R3HDM2: variants seen among roughly 807,000 people sequenced by gnomAD.
R3HDM2 encodes R3H domain-containing protein 2.
In R3HDM2, 38 loss-of-function variants were observed where a neutral mutation model predicts 124.5. The observed-to-expected ratio is 0.31, with a 90% confidence interval of 0.24 to 0.40. The LOEUF (loss-of-function observed/expected upper bound fraction) is 0.40. R3HDM2 is among the 10% of genes least tolerant of loss of function. The probability of loss-of-function intolerance (pLI) is 1.00; values close to 1 mark genes in which losing one functional copy is unlikely to be tolerated. For missense variants in R3HDM2, 869 were observed against 1,236.9 expected (o/e 0.70, Z 4.46); for synonymous variants, 391 against 448.0 (o/e 0.87, Z 1.61).
In R3HDM2 at chr12:57,296,313, T is replaced by C. The variant is rs937663273; in HGVS notation, c.701+98A>G. The stretch of plus-strand genomic sequence containing the variant: ...GATTACAGGTGTGAGCCACCACGCC[T>C]GGCCATCTGCAAGAGACATCCTGAT... On this transcript the variant is annotated intron_variant, in intron 9 of 23. Transcript: ENST00000402412. The surrounding 1 kb of genome is among the most constrained non-coding windows in gnomAD (Gnocchi z 4.5). 21 of 1,392,132 alleles carry C rather than the reference T, an allele frequency of 1.5e-5. No individual in the cohort carries two copies. The highest frequency in any genetic ancestry group is 1.9e-5 in the Non-Finnish European group (19 of 1,015,832). 86.2% of individuals were successfully genotyped at this position (1,392,132 alleles called of 1,614,324 possible).
At chr12:57,324,898 C>G (rs1367732575) in intron 2 of R3HDM2, among the ~76,000 whole-genome samples, 1 of 152,126 alleles carries the variant, frequency 6.6e-6, no homozygotes, top group Non-Finnish European at 1.5e-5. Flanking sequence ...TTAAATGAAG[C>G]TGTTAGGGTG....
intron 2 of R3HDM2, among the ~76,000 whole-genome samples, chr12:57,386,341 C>G (rs1033602326): frequency 2.2e-4 from 33 of 152,336 alleles, no homozygotes; most frequent in African/African-American, 7.7e-4. Flanking sequence ...CCGAGGCTGC[C>G]CATGGCGCTT....
At chr12:57,362,026 G>A (rs1211610605) in intron 2 of R3HDM2, among the ~76,000 whole-genome samples, 6 of 152,112 alleles carry the variant, frequency 3.9e-5, no homozygotes, top group South Asian at 4.1e-4. Context: ...CCAGCTACTC[G>A]GAGGCTGAGG....
intron 2 of R3HDM2, among the ~76,000 whole-genome samples, chr12:57,358,071 C>T (rs12313306): frequency 0.19 from 28,082 of 151,118 alleles, 3,098 homozygotes; most frequent in Admixed American, 0.28. Flanking sequence ...CCCTGCCTCC[C>T]AGATTCAAGC....
At chr12:57,418,313 C>G in intron 1 of R3HDM2, 2 of 985,372 alleles carry the variant, frequency 2.0e-6, no homozygotes, top group Non-Finnish European at 2.4e-6. Flanking sequence ...ATTACTTCTG[C>G]GCAGAACATT....
chr12:57,278,077 C>T (rs550334753), intron 14 of R3HDM2, among the ~76,000 whole-genome samples: 3 of 152,140 alleles, frequency 2.0e-5, no homozygotes, highest in Admixed American at 1.3e-4. Context: ...GCTTCCAGGG[C>T]ATCAAAACCT....
At chr12:57,291,402 C>T (rs975093773) in intron 11 of R3HDM2, among the ~76,000 whole-genome samples, 1 of 151,752 alleles carries the variant, frequency 6.6e-6, no homozygotes, top group African/African-American at 2.4e-5. Context: ...GCCTATGATC[C>T]CAGCACTTTA....
At chr12:57,345,500 T>TACACAC (rs55903347) in intron 2 of R3HDM2, among the ~76,000 whole-genome samples, 20 of 147,526 alleles carry the variant, frequency 1.4e-4, no homozygotes, top group African/African-American at 4.0e-4. Flanking sequence ...ATTTCTTTTA[T>TACACAC]ACACACACAC....
intron 2 of R3HDM2, among the ~76,000 whole-genome samples, chr12:57,356,214 C>A (rs182725799): frequency 4.1e-3 from 621 of 152,216 alleles, no homozygotes; most frequent in Middle Eastern, 6.8e-3. Context: ...CATAAATGCC[C>A]TCTATCCAAT....
chr12:57,280,056 A>C (rs774966933), intron 14 of R3HDM2, among the ~76,000 whole-genome samples: 19 of 152,212 alleles, frequency 1.2e-4, no homozygotes, highest in Non-Finnish European at 2.4e-4. Context: ...ACACATGGAC[A>C]TAGAGGGAGA....
At position 57,322,207 on chromosome 12, in the gene R3HDM2, C is replaced by T. The variant is rs182516003; in HGVS notation, c.-35-11744G>A. ...CTCCAGCCTGGGCAACAGAGTGAGACTCCATCTCAAAACAAACAAACAAAC... is the reference window on the plus strand; with the variant it reads ...CTCCAGCCTGGGCAACAGAGTGAGATTCCATCTCAAAACAAACAAACAAAC... On this transcript the variant is annotated intron_variant, in intron 2 of 23. Transcript: ENST00000402412. Among the ~76,000 whole-genome samples, 523 of 152,320 alleles carry T rather than the reference C, an allele frequency of 3.4e-3. 1 individual carries two copies. The highest frequency in any genetic ancestry group is 0.012 in the African/African-American group (495 of 41,572).
intron 2 of R3HDM2, among the ~76,000 whole-genome samples, chr12:57,329,235 C>T (rs1188215407): frequency 7.9e-5 from 12 of 152,008 alleles, no homozygotes; most frequent in African/African-American, 1.9e-4. Flanking sequence ...GAAAGACGAG[C>T]GTCATTATGG....
At chr12:57,339,782 G>A (rs2059336459) in intron 2 of R3HDM2, among the ~76,000 whole-genome samples, 1 of 151,986 alleles carries the variant, frequency 6.6e-6, no homozygotes, top group Non-Finnish European at 1.5e-5. Context: ...GAAGATATCA[G>A]AGAGAAGAGA....
At chr12:57,286,218 G>A (rs1180987757) in intron 12 of R3HDM2, among the ~76,000 whole-genome samples, 2 of 152,146 alleles carry the variant, frequency 1.3e-5, no homozygotes, top group South Asian at 2.1e-4. Flanking sequence ...CAGATTTAGT[G>A]CTGGTGAAAA....
chr12:57,351,679 T>C (rs1183548130), intron 2 of R3HDM2, among the ~76,000 whole-genome samples: 3 of 152,236 alleles, frequency 2.0e-5, no homozygotes, highest in Admixed American at 6.5e-5. Flanking sequence ...GAATGTCATA[T>C]ATAAAATGGG....
chr12:57,407,733 G>T (rs1213189116), intron 1 of R3HDM2, among the ~76,000 whole-genome samples: 2 of 151,782 alleles, frequency 1.3e-5, no homozygotes, highest in African/African-American at 2.4e-5. Flanking sequence ...CGGGCAATTG[G>T]TTTTTTAAAG....
chr12:57,382,069 A>G (rs779274578), intron 2 of R3HDM2, among the ~76,000 whole-genome samples: 1 of 150,120 alleles, frequency 6.7e-6, no homozygotes, highest in South Asian at 2.1e-4. Context: ...GATCCTCCCA[A>G]CTCAACCTCC....
chr12:57,306,823 T>C (rs2052699518), intron 3 of R3HDM2, among the ~76,000 whole-genome samples: 2 of 152,144 alleles, frequency 1.3e-5, no homozygotes, highest in Admixed American at 1.3e-4. Flanking sequence ...GAGACTAGCC[T>C]GGCCAACATG....
At chr12:57,411,301 G>C (rs2068982341) in intron 1 of R3HDM2, among the ~76,000 whole-genome samples, 1 of 152,132 alleles carries the variant, frequency 6.6e-6, no homozygotes, top group Non-Finnish European at 1.5e-5. Context: ...AGCCTCCTGA[G>C]TAGCTGGGAT....
Sources: allele counts gnomAD v4.1 joint callset (sites outside exome capture counted in the v4.1 genomes callset), GRCh38; gene constraint gnomAD v4.1.1; non-coding constraint Gnocchi (gnomAD v3.1); transcripts MANE v1.5; gene names NCBI Gene and HGNC (gene_info 2026-07-23, HGNC 2026-07-21).